The following RAC1 variants were observed in gnomAD, a reference collection of about 807,000 sequenced individuals.
RAC1 encodes the protein Rac family small GTPase 1.
Under a neutral mutation model 25.2 loss-of-function variants are expected in RAC1, and 2 were observed. That is an observed-to-expected ratio of 0.08 (90% CI 0.03 to 0.25). The LOEUF (loss-of-function observed/expected upper bound fraction) is 0.25, where lower values mean the gene tolerates loss of function less well. RAC1 is among the 10% of genes least tolerant of loss of function. The probability of loss-of-function intolerance (pLI) is 1.00; values close to 1 mark genes in which losing one functional copy is unlikely to be tolerated. For synonymous variants in RAC1, 88 were observed against 94.0 expected (o/e 0.94, Z 0.37); for missense variants, 50 against 235.7 (o/e 0.21, Z 5.16).
At chr7:6,398,880 T>G (rs1192168502) in intron 3 of RAC1, among the ~76,000 whole-genome samples, 1 of 152,074 alleles carries the variant, frequency 6.6e-6, no homozygotes, top group Non-Finnish European at 1.5e-5. Context: ...TTCATTAGAG[T>G]GTGATAGTTT....
At chr7:6,389,509 G>C (rs1050633575) in intron 2 of RAC1, among the ~76,000 whole-genome samples, 1 of 151,862 alleles carries the variant, frequency 6.6e-6, no homozygotes, top group African/African-American at 2.4e-5. Flanking sequence ...GTGAAACCCT[G>C]TCTCTACTAA....
At chr7:6,387,929 C>T (rs1370974681) in intron 2 of RAC1, among the ~76,000 whole-genome samples, 1 of 152,238 alleles carries the variant, frequency 6.6e-6, no homozygotes, top group South Asian at 2.1e-4. Context: ...GTTTCAGATA[C>T]ACTGGCTTTC....
intron 2 of RAC1, among the ~76,000 whole-genome samples, chr7:6,390,468 C>T (rs33986648): frequency 0.18 from 27,068 of 151,534 alleles, 2,866 homozygotes; most frequent in Non-Finnish European, 0.24. Flanking sequence ...GGCATGGTGG[C>T]GTGCACCTGT....
Position 6,397,943 on chromosome 7 carries a change from C to T in RAC1, c.226-2183C>T, listed in dbSNP as rs562952433. Among the ~76,000 whole-genome samples the T allele has an allele frequency of 2.6e-5, 4 of 152,282 alleles. No individual in the cohort carries two copies. In the South Asian group the frequency reaches 8.3e-4, roughly 32 times the overall value. On this transcript the variant is annotated intron_variant, in intron 3 of 5. Transcript: ENST00000348035. ...GGCAGAGGTTGCAGTGAGCTGAGAT[C>T]TCACCATTGCACTCCAGCCTGGGCA...
chr7:6,377,640 C>A (rs1356287284), intron 1 of RAC1, among the ~76,000 whole-genome samples: 1 of 151,798 alleles, frequency 6.6e-6, no homozygotes, highest in Non-Finnish European at 1.5e-5. Context: ...TTTGGCCGGG[C>A]ACGGTAGCTC....
intron 1 of RAC1, among the ~76,000 whole-genome samples, chr7:6,377,570 G>A (rs1448027639): frequency 1.3e-5 from 2 of 152,130 alleles, no homozygotes; most frequent in African/African-American, 2.4e-5. Flanking sequence ...ACTCCAGCCC[G>A]TGCGACAGAG....
intron 3 of RAC1, 189 bp from the exon 4 acceptor site, chr7:6,399,937 C>G (rs1245737373): frequency 3.4e-6 from 2 of 594,074 alleles, no homozygotes; most frequent in Non-Finnish European, 6.0e-6. Flanking sequence ...TAACTGGTGG[C>G]TTGACATGCT....
In RAC1 at chr7:6,400,177, G is replaced by C; in HGVS notation, c.277G>C (p.Val93Leu). The C allele has an allele frequency of 6.2e-7, 1 of 1,609,772 alleles. No homozygotes were observed. The highest frequency in any genetic ancestry group is 8.5e-7 in the Non-Finnish European group (1 of 1,177,476). Residue 93 changes from valine (V) to leucine (L), a missense_variant, in exon 4 of 6, where the codon GTC (valine) becomes CTC (leucine). Transcript: ENST00000348035. ...TGTGAGTCCTGCATCATTTGAAAATGTCCGTGCAAAGGTAGGTGGGGATTT... is the reference window on the plus strand; with the variant it reads ...TGTGAGTCCTGCATCATTTGAAAATCTCCGTGCAAAGGTAGGTGGGGATTT... Reference protein sequence around the residue: ...SLVSPASFENVRAKWYPEVRH... With the variant: ...SLVSPASFENLRAKWYPEVRH...
chr7:6,402,079 CAG>C (rs34165001), intron 5 of RAC1, 52 bp downstream of exon 5: 47,930 of 1,573,794 alleles, frequency 0.03, 897 homozygotes, highest in Middle Eastern at 0.072. Flanking sequence ...ATTGTAGTGA[CAG>C]AGACTGGAGT....
At chr7:6,398,847 G>A in intron 3 of RAC1, 1 of 883,380 alleles carries the variant, frequency 1.1e-6, no homozygotes, top group Non-Finnish European at 1.7e-6. Flanking sequence ...CTCAAGGTTG[G>A]GGTTTTGCTT....
intron 4 of RAC1, among the ~76,000 whole-genome samples, chr7:6,400,954 C>T (rs1230453250): frequency 2.0e-5 from 3 of 151,878 alleles, no homozygotes; most frequent in East Asian, 3.9e-4. Context: ...GGATTACAGG[C>T]GTGGGCCACC....
chr7:6,390,469 G>C (rs1348062329), intron 2 of RAC1, among the ~76,000 whole-genome samples: 2 of 151,642 alleles, frequency 1.3e-5, no homozygotes, highest in Non-Finnish European at 2.9e-5. Context: ...GCATGGTGGC[G>C]TGCACCTGTA....
chr7:6,382,956 G>A (rs972514510), intron 1 of RAC1, among the ~76,000 whole-genome samples: 11 of 152,148 alleles, frequency 7.2e-5, no homozygotes, highest in African/African-American at 2.7e-4. Flanking sequence ...ACAGGACAGG[G>A]CAGGGGAAGC....
At chr7:6,383,046 C>T (rs910483167) in intron 1 of RAC1, among the ~76,000 whole-genome samples, 2 of 152,164 alleles carry the variant, frequency 1.3e-5, no homozygotes, top group African/African-American at 2.4e-5. Flanking sequence ...TTCTTCCAGC[C>T]GACTCATGTT....
In RAC1 at chr7:6,403,180, G is replaced by C. The variant is rs1428976751; in HGVS notation, c.*734G>C. 1 of 221,224 alleles carries C rather than the reference G, an allele frequency of 4.5e-6. No homozygotes were observed. The highest frequency in any genetic ancestry group is 1.8e-4 in the South Asian group (1 of 5,430). 13.7% of individuals were successfully genotyped at this position (221,224 alleles called of 1,614,324 possible). Reference sequence around the variant, plus strand: ...CAAAGACAGTATTTTGACAAAATACGAAGTGGAGATTTACACTACATTGTA... The same window carrying C: ...CAAAGACAGTATTTTGACAAAATACCAAGTGGAGATTTACACTACATTGTA... On this transcript the variant is annotated 3_prime_UTR_variant, in exon 6 of 6. Coordinates refer to ENST00000348035, the MANE Select transcript of RAC1 (RefSeq NM_006908.5).
Position 6,391,942 on chromosome 7 carries a change from C to G in RAC1, c.126C>G (p.Ala42=). The G allele has an allele frequency of 1.2e-6, 2 of 1,614,064 alleles. No individual in the cohort carries two copies. Among genetic ancestry groups the G allele is most frequent in the Non-Finnish European group, 1.7e-6 (2 of 1,180,008 alleles). The part of the protein sequence containing the change: ...YIPTVFDNYS[A]NVMVDGKPVN... ...TCTACAGCTTTGACAATTATTCTGC[C>G]AATGTTATGGTAGATGGAAAACCGG... Residue 42 remains alanine (A), a synonymous_variant, in exon 3 of 6, where the codon GCC becomes GCG. Coordinates refer to ENST00000348035, the MANE Select transcript of RAC1 (RefSeq NM_006908.5).
At chr7:6,391,824 C>T (rs1783100527) in intron 2 of RAC1, 100 bp from the exon 3 acceptor site, 3 of 1,576,000 alleles carry the variant, frequency 1.9e-6, no homozygotes, top group Non-Finnish European at 2.6e-6. Context: ...AGCCTCCAGG[C>T]CCGTCCCCAG....
chr7:6,378,532 G>A (rs1304098996), intron 1 of RAC1, among the ~76,000 whole-genome samples: 2 of 151,774 alleles, frequency 1.3e-5, no homozygotes, highest in Non-Finnish European at 2.9e-5. Context: ...GGCGACAAGA[G>A]CAAGGCTCTG....
chr7:6,384,312 C>G (rs1782861338), intron 1 of RAC1, among the ~76,000 whole-genome samples: 1 of 152,168 alleles, frequency 6.6e-6, no homozygotes, highest in Non-Finnish European at 1.5e-5. Context: ...GTGTGTCTGC[C>G]TTGACTGAGT....
Sources: gnomAD v4.1 joint callset for allele counts (sites outside exome capture counted in the v4.1 genomes callset) on GRCh38, gnomAD v4.1.1 for gene constraint, MANE v1.5 for transcripts, NCBI Gene and HGNC (gene_info 2026-07-23, HGNC 2026-07-21) for gene names.